Variants in ITGB6 observed in about 807,000 individuals in gnomAD.
The protein encoded by ITGB6 is integrin beta-6.
A neutral mutation model predicts 84.5 loss-of-function variants in ITGB6; 80 were observed. The observed-to-expected ratio is 0.95, with a 90% CI of 0.79 to 1.14. The LOEUF (loss-of-function observed/expected upper bound fraction) is 1.14. Ranked by LOEUF, ITGB6 falls within the 50% of genes most tolerant of loss-of-function variation. ITGB6 has a pLI of 0.00. For synonymous variants in ITGB6, 383 were observed against 354.9 expected, an observed-to-expected ratio of 1.08 and a Z score of -0.89; for missense variants, 1,006 against 968.0, an observed-to-expected ratio of 1.04 and a Z score of -0.52.
Position 160,126,570 on chromosome 2 carries a change from C to T in ITGB6, c.1692G>A (p.Val564=). 3.7e-6 allele frequency: 6 copies of T among 1,613,792 alleles called. No homozygotes were observed. Among genetic ancestry groups the T allele is most frequent in the East Asian group, 2.2e-5 (1 of 44,882 alleles). ...ACTCGCCAGTCCAGCCGCTCCTGCA[C>T]ACACATTCACCACAGTCACAGTCGC... ...GNGDCDCGEC[V]CRSGWTGEYC... Residue 564 remains valine, a synonymous_variant, in exon 11 of 15, where the codon GTG becomes GTA. Transcript: ENST00000283249.
chr2:160,112,336 T>C (rs1028959059), intron 12 of ITGB6, 137 bp from the exon 13 acceptor site: 10 of 801,760 alleles, frequency 1.2e-5, no homozygotes, highest in African/African-American at 5.3e-5. Context: ...GGCATAGGTT[T>C]TTTTTTTTCT....
intron 2 of ITGB6, among the ~76,000 whole-genome samples, chr2:160,196,679 A>ATGTG (rs370352697): frequency 4.0e-5 from 6 of 151,558 alleles, no homozygotes; most frequent in African/African-American, 1.5e-4. Flanking sequence ...TAACAATTGC[A>ATGTG]TGTGTGTGTG....
At chr2:160,110,328 TAATA>T (rs1697082093) in intron 13 of ITGB6, among the ~76,000 whole-genome samples, 1 of 152,204 alleles carries the variant, frequency 6.6e-6, no homozygotes, top group South Asian at 2.1e-4. Context: ...TTAAGCGAAT[TAATA>T]CATGTAAAAT....
chr2:160,190,163 A>G (rs182358656), intron 4 of ITGB6, among the ~76,000 whole-genome samples: 3,696 of 136,606 alleles, frequency 0.027, 64 homozygotes, highest in South Asian at 0.062. Flanking sequence ...ATGAGAACAC[A>G]TGGACACAGG....
intron 8 of ITGB6, 40 bp downstream of exon 8, chr2:160,141,942 A>G: frequency 7.8e-7 from 1 of 1,289,490 alleles, no homozygotes. Flanking sequence ...TTTGAATACC[A>G]AAGAAATGCA....
At chr2:160,107,624 C>A in intron 14 of ITGB6, 55 bp downstream of exon 14, 1 of 1,546,968 alleles carries the variant, frequency 6.5e-7, no homozygotes, top group South Asian at 1.1e-5. Flanking sequence ...CCCTCAATCT[C>A]TTCCACCAGC....
chr2:160,165,091 A>G (rs559012815), intron 7 of ITGB6, among the ~76,000 whole-genome samples: 32 of 152,368 alleles, frequency 2.1e-4, no homozygotes, highest in Non-Finnish European at 2.6e-4. Context: ...TATTACCTCC[A>G]TGGAGATGTC....
intron 12 of ITGB6, among the ~76,000 whole-genome samples, chr2:160,116,178 C>T (rs1682758056): frequency 6.6e-6 from 1 of 151,426 alleles, no homozygotes; most frequent in Non-Finnish European, 1.5e-5. Context: ...AAAGATACTC[C>T]TCGAGAAGAG....
At chr2:160,191,291 T>G (rs1686131527) in intron 4 of ITGB6, among the ~76,000 whole-genome samples, 1 of 152,182 alleles carries the variant, frequency 6.6e-6, no homozygotes. Flanking sequence ...CCACCTTGTA[T>G]CCATCTTTCT....
intron 10 of ITGB6, among the ~76,000 whole-genome samples, chr2:160,136,250 A>C (rs1443550079): frequency 6.6e-6 from 1 of 152,264 alleles, no homozygotes; most frequent in East Asian, 1.9e-4. Context: ...GGATATGAAC[A>C]GACACTTCTC....
chr2:160,153,580 T>G (rs947802048), intron 7 of ITGB6, among the ~76,000 whole-genome samples: 60 of 152,104 alleles, frequency 3.9e-4, no homozygotes, highest in African/African-American at 1.4e-3. Flanking sequence ...AAGCCAAAAC[T>G]GACAAATGGG....
intron 4 of ITGB6, among the ~76,000 whole-genome samples, chr2:160,180,142 C>T (rs980678718): frequency 6.9e-6 from 1 of 145,462 alleles, no homozygotes; most frequent in Admixed American, 6.8e-5. Context: ...ACAAAAAAAA[C>T]AACCTTCAGA....
Position 160,172,631 on chromosome 2 carries a change from T to A in ITGB6, c.859A>T (p.Ile287Phe). The change falls in exon 6 of 15, where the codon ATT becomes TTT. Residue 287 changes from isoleucine (I) to phenylalanine (F), a missense_variant. Coordinates refer to ENST00000283249, the MANE Select transcript of ITGB6 (RefSeq NM_000888.5). ...AAGTGACAGAGCCCGTCATTAGGAA[T>A]GACGATGCCTGCTAGTTTGCTGTCC... ...GMDSKLAGIVIPNDGLCHLDS... is the reference protein window; with the variant it reads ...GMDSKLAGIVFPNDGLCHLDS... The A allele has an allele frequency of 6.2e-7, 1 of 1,612,198 alleles. No individual in the cohort carries two copies.
At chr2:160,110,469 AG>A (rs1682448312) in intron 13 of ITGB6, among the ~76,000 whole-genome samples, 1 of 152,174 alleles carries the variant, frequency 6.6e-6, no homozygotes. Context: ...CATCACCTCA[AG>A]GGCCTGGAGC....
In ITGB6 at chr2:160,174,130, T is replaced by A; in HGVS notation, c.603A>T (p.Pro201=). 1 of 1,604,428 alleles carries A rather than the reference T, an allele frequency of 6.2e-7. No homozygotes were observed. Among genetic ancestry groups the A allele is most frequent in the Non-Finnish European group, 8.5e-7 (1 of 1,176,986 alleles). The stretch of plus-strand genomic sequence containing the variant: ...ATCCAAATGTAGGTAAACAGAAGTA[T>A]GGAATACTACTGCAAAAGTAAGATG... ...EEIANPCSSI[P]YFCLPTFGFK... is the part of the protein sequence containing the mutation. The change falls in exon 5 of 15, where the codon CCA becomes CCT. Residue 201 remains proline, a synonymous_variant. Coordinates refer to ENST00000283249, the MANE Select transcript of ITGB6 (RefSeq NM_000888.5).
chr2:160,130,225 A>G (rs1683412821), intron 10 of ITGB6, among the ~76,000 whole-genome samples: 1 of 152,128 alleles, frequency 6.6e-6, no homozygotes, highest in Non-Finnish European at 1.5e-5. Flanking sequence ...AAAATACAGT[A>G]TTATAAAATT....
chr2:160,172,426 G>A lies in ITGB6; in HGVS notation c.921+143C>T, dbSNP rs987762053. ...GGAACCTCTGAGGATGGTGAGAATCGAGCTGGGGCAACTTGTTAATCCCAC... is the reference window on the plus strand; with the variant it reads ...GGAACCTCTGAGGATGGTGAGAATCAAGCTGGGGCAACTTGTTAATCCCAC... On this transcript the variant is annotated intron_variant, in intron 6 of 14. Coordinates refer to ENST00000283249, the MANE Select transcript of ITGB6 (RefSeq NM_000888.5). The A allele has an allele frequency of 9.4e-6, 7 of 741,376 alleles. No homozygotes were observed. In the East Asian group the frequency reaches 1.0e-4, roughly 11 times the overall value. 45.9% of individuals were successfully genotyped at this position (741,376 alleles called of 1,614,324 possible). A position where few individuals can be genotyped will look rare whatever the true frequency, so the allele number is the denominator to read the frequency against.
At chr2:160,119,929 C>T (rs1157823795) in intron 12 of ITGB6, among the ~76,000 whole-genome samples, 6 of 152,266 alleles carry the variant, frequency 3.9e-5, no homozygotes, top group Non-Finnish European at 5.9e-5. Flanking sequence ...CTCATCATCA[C>T]GGGCCATCAG....
At chr2:160,179,979 G>A (rs1451656461) in intron 4 of ITGB6, among the ~76,000 whole-genome samples, 4 of 150,360 alleles carry the variant, frequency 2.7e-5, no homozygotes, top group Non-Finnish European at 5.9e-5. Flanking sequence ...TGGGCATGGT[G>A]GCACACGCCT....
Sources: allele counts gnomAD v4.1 joint callset (sites outside exome capture counted in the v4.1 genomes callset), GRCh38; gene constraint gnomAD v4.1.1; transcripts MANE v1.5; gene names NCBI Gene and HGNC (gene_info 2026-07-23, HGNC 2026-07-21).